The following LAIR1 variants were observed in gnomAD, a reference collection of about 807,000 sequenced individuals.
The protein encoded by LAIR1 is leukocyte associated immunoglobulin like receptor 1, also known as leukocyte-associated immunoglobulin-like receptor 1.
In LAIR1, 24 loss-of-function variants were observed where a neutral mutation model predicts 32.8. That is an observed-to-expected ratio of 0.73 (90% CI 0.53 to 1.03). The LOEUF is 1.03. Among genes scored for constraint, LAIR1 ranks in the 50% least tolerant of loss-of-function variants. The probability of loss-of-function intolerance (pLI) is 0.00; values close to 1 mark genes in which losing one functional copy is unlikely to be tolerated. For missense variants in LAIR1, 355 were observed against 347.5 expected (o/e 1.02, Z -0.17); for synonymous variants, 150 against 140.5 (o/e 1.07, Z -0.48).
Position 54,364,642 on chromosome 19 carries a change from C to T in LAIR1, c.34+129G>A, listed in dbSNP as rs144488646. The T allele has an allele frequency of 0.03, 26,636 of 897,844 alleles. 529 individuals carry two copies. Among genetic ancestry groups the T allele is most frequent in the Non-Finnish European group, 0.034 (18,291 of 530,692 alleles). The allele number at this position is 897,844 out of a possible 1,614,324, so 55.6% of individuals were successfully genotyped here. Reference sequence around the variant, plus strand: ...CAGACTTAGGCCCCAGGGAGAGCAGCAGGGCAGTCTTGGGAGGAGGAGGAC... The same window carrying T: ...CAGACTTAGGCCCCAGGGAGAGCAGTAGGGCAGTCTTGGGAGGAGGAGGAC... On this transcript the variant is annotated intron_variant, in intron 1 of 9. Transcript: ENST00000391742. The surrounding 1 kb of genome is among the most constrained non-coding windows in gnomAD (Gnocchi z 4.8).
chr19:54,373,309 T>C (rs1003279784), upstream of LAIR1, among the ~76,000 whole-genome samples: 2 of 151,230 alleles, frequency 1.3e-5, no homozygotes. Flanking sequence ...CTGGGCGTGG[T>C]GGCGGGCACC....
chr19:54,360,930 T>A lies in LAIR1; in HGVS notation c.350A>T (p.Glu117Val). The change falls in exon 3 of 10, where the codon GAG becomes GTG. Residue 117 changes from glutamate (E) to valine (V), a missense_variant. Glu to Val is a moderately radical substitution (Grantham distance 121). Transcript: ENST00000391742. Reference sequence around the variant, plus strand: ...GACGTCCTCACCTTTCACCAGCAGCTCCAGGTAGTCACTCTGCTCAGACCA... The same window carrying A: ...GACGTCCTCACCTTTCACCAGCAGCACCAGGTAGTCACTCTGCTCAGACCA... ...PKWSEQSDYL[E>V]LLVKESSGGP... is the part of the protein sequence containing the mutation. 6.2e-7 allele frequency: 1 copy of A among 1,612,848 alleles called. No homozygotes were observed.
At chr19:54,372,766 G>A (rs573139438), upstream of LAIR1, among the ~76,000 whole-genome samples, 134 of 151,258 alleles carry the variant, frequency 8.9e-4, 4 homozygotes, top group Middle Eastern at 3.4e-3. Context: ...GGGATTATAG[G>A]TGTAAGCCAC....
rs773199362 is a variant in LAIR1 at position 54,361,238 on chromosome 19, C to T, written c.71-29G>A. ...GGAGGGAAGCAGAGCAGGATCTCAGCGTCCACTGTAGGAAGTCACCATGCC... is the reference window on the plus strand; with the variant it reads ...GGAGGGAAGCAGAGCAGGATCTCAGTGTCCACTGTAGGAAGTCACCATGCC... On this transcript the variant is annotated intron_variant, in intron 2 of 9. Coordinates refer to ENST00000391742, the MANE Select transcript of LAIR1 (RefSeq NM_002287.6). 36 of 1,609,920 alleles carry T rather than the reference C, an allele frequency of 2.2e-5. No homozygotes were observed. The Admixed American group carries it at 2.7e-4, about 12-fold the overall frequency.
intron 2 of LAIR1, among the ~76,000 whole-genome samples, chr19:54,362,829 C>T (rs2082090509): frequency 6.6e-6 from 1 of 151,930 alleles, no homozygotes; most frequent in Non-Finnish European, 1.5e-5. Context: ...TCAAAATCAG[C>T]ATGTGAGAAG....
chr19:54,355,888 C>T lies in LAIR1; in HGVS notation c.717+66G>A. On this transcript the variant is annotated intron_variant, in intron 9 of 9. Coordinates refer to ENST00000391742, the MANE Select transcript of LAIR1 (RefSeq NM_002287.6). The surrounding 1 kb of genome is among the most constrained non-coding windows in gnomAD (Gnocchi z 4.7). ...CTGAGCCACTCCTGAATTCCTAACC[C>T]AAGGAACTGAGATTTTTTTAAGCTG... 1 of 1,132,348 alleles carries T rather than the reference C, an allele frequency of 8.8e-7. No individual in the cohort carries two copies. The highest frequency in any genetic ancestry group is 1.3e-6 in the Non-Finnish European group (1 of 741,380). 70.1% of individuals were successfully genotyped at this position (1,132,348 alleles called of 1,614,324 possible). A position where few individuals can be genotyped will look rare whatever the true frequency, so the allele number is the denominator to read the frequency against.
intron 4 of LAIR1, among the ~76,000 whole-genome samples, chr19:54,359,593 T>G (rs574690972): frequency 8.6e-3 from 1,306 of 151,966 alleles, no homozygotes; most frequent in South Asian, 0.016. Context: ...GGGTGAATGG[T>G]GAGGCCACGC....
chr19:54,361,440 C>G (rs2082019658), intron 2 of LAIR1, among the ~76,000 whole-genome samples: 1 of 151,836 alleles, frequency 6.6e-6, no homozygotes, highest in African/African-American at 2.4e-5. Context: ...GAGACTTGCT[C>G]ACAACTTGGG....
chr19:54,361,384 A>T (rs1203317734), intron 2 of LAIR1, 175 bp from the exon 3 acceptor site: 3 of 707,540 alleles, frequency 4.2e-6, no homozygotes, highest in Non-Finnish European at 7.3e-6. Context: ...CGTGCATGTG[A>T]TTCTCATCAC....
intron 4 of LAIR1, chr19:54,357,307 G>T (rs867575651): frequency 2.3e-5 from 6 of 263,542 alleles, no homozygotes; most frequent in South Asian, 1.9e-4. Context: ...TTTCCTGGGC[G>T]TGAAGCTGTA....
At chr19:54,373,741 T>C (rs1035734316), upstream of LAIR1, among the ~76,000 whole-genome samples, 1 of 152,142 alleles carries the variant, frequency 6.6e-6, no homozygotes, top group Non-Finnish European at 1.5e-5. Context: ...CTTAACACAA[T>C]GGGATTTGGC....
intron 4 of LAIR1, chr19:54,357,307 G>A (rs867575651): frequency 1.0e-4 from 27 of 263,536 alleles, no homozygotes; most frequent in Middle Eastern, 2.3e-3. Context: ...TTTCCTGGGC[G>A]TGAAGCTGTA....
At chr19:54,361,914 G>A (rs903828276) in intron 2 of LAIR1, among the ~76,000 whole-genome samples, 12 of 152,018 alleles carry the variant, frequency 7.9e-5, no homozygotes, top group Admixed American at 3.3e-4. Flanking sequence ...GGCTTGGGGT[G>A]GAGGAGGAAG....
Position 54,355,559 on chromosome 19 carries a change from G to T in LAIR1, c.718-145C>A. ...TCCGTGTGAAGAGCCCTCCCACAGGGTATTGGGGTTGGTTTACGTGACAAT... is the reference window on the plus strand; with the variant it reads ...TCCGTGTGAAGAGCCCTCCCACAGGTTATTGGGGTTGGTTTACGTGACAAT... On this transcript the variant is annotated intron_variant, in intron 9 of 9. Transcript: ENST00000391742. This position sits in a 1 kb window ranked among gnomAD's most constrained non-coding sequence, Gnocchi z 4.7. The T allele has an allele frequency of 1.4e-6, 1 of 692,430 alleles. No individual in the cohort carries two copies. The highest frequency in any genetic ancestry group is 2.4e-6 in the Non-Finnish European group (1 of 422,620). 42.9% of individuals were successfully genotyped at this position (692,430 alleles called of 1,614,324 possible).
intron 4 of LAIR1, among the ~76,000 whole-genome samples, chr19:54,359,108 G>A (rs911130492): frequency 3.4e-4 from 51 of 149,984 alleles, no homozygotes; most frequent in Non-Finnish European, 6.7e-4. Context: ...ATGGAGCACG[G>A]CATCGCTCCT....
chr19:54,360,979 A>G lies in LAIR1; in HGVS notation c.301T>C (p.Cys101Arg). Residue 101 changes from cysteine (C) to arginine (R), a missense_variant, in exon 3 of 10, where the codon TGC (cysteine) becomes CGC (arginine). Coordinates refer to ENST00000391742, the MANE Select transcript of LAIR1 (RefSeq NM_002287.6). The part of the protein sequence containing the change: ...VREGNAGLYR[C>R]IYYKPPKWSE... Reference sequence around the variant, plus strand: ...CATTTAGGGGGCTTATAATAGATGCAGCGATAAAGCCCGGCATTTCCTTCT... The same window carrying G: ...CATTTAGGGGGCTTATAATAGATGCGGCGATAAAGCCCGGCATTTCCTTCT... 6.2e-7 allele frequency: 1 copy of G among 1,614,264 alleles called. No homozygotes were observed. The highest frequency in any genetic ancestry group is 8.5e-7 in the Non-Finnish European group (1 of 1,180,042).
At chr19:54,372,841 G>A (rs143403905), upstream of LAIR1, among the ~76,000 whole-genome samples, 6 of 151,370 alleles carry the variant, frequency 4.0e-5, no homozygotes, top group East Asian at 1.9e-4. Context: ...TTTAAAAGTC[G>A]ATCAACTGGC....
At chr19:54,357,004 C>A in intron 4 of LAIR1, 38 bp from the exon 5 acceptor site, 1 of 1,603,518 alleles carries the variant, frequency 6.2e-7, no homozygotes, top group Non-Finnish European at 8.5e-7. Flanking sequence ...GAGTTAGAGT[C>A]CTGAGCTGGA....
chr19:54,360,984 T>A lies in LAIR1; in HGVS notation c.296A>T (p.Tyr99Phe). ...AGGGGGCTTATAATAGATGCAGCGA[T>A]AAAGCCCGGCATTTCCTTCTCTTAC... is the stretch of plus-strand genomic sequence containing the variant. Reference protein sequence around the residue: ...DSVREGNAGLYRCIYYKPPKW... With the variant: ...DSVREGNAGLFRCIYYKPPKW... Residue 99 changes from tyrosine (Y) to phenylalanine (F), a missense_variant, in exon 3 of 10, where the codon TAT (tyrosine) becomes TTT (phenylalanine). Transcript: ENST00000391742. 3 of 1,614,248 alleles carry A rather than the reference T, an allele frequency of 1.9e-6. No individual in the cohort carries two copies. Among genetic ancestry groups the A allele is most frequent in the Non-Finnish European group, 1.7e-6 (2 of 1,180,034 alleles).
Sources: gnomAD v4.1 joint callset for allele counts (sites outside exome capture counted in the v4.1 genomes callset) on GRCh38, gnomAD v4.1.1 for gene constraint, Gnocchi (gnomAD v3.1) non-coding constraint, MANE v1.5 for transcripts, NCBI Gene and HGNC (gene_info 2026-07-23, HGNC 2026-07-21) for gene names.